Variants in IMMP2L observed in about 807,000 individuals in gnomAD.
IMMP2L encodes inner mitochondrial membrane peptidase subunit 2.
Under a neutral mutation model 19.3 loss-of-function variants are expected in IMMP2L, and 18 were observed. The ratio of observed to expected loss-of-function variants is 0.93; its 90% CI spans 0.64 to 1.38. The LOEUF is 1.38. Ranked by LOEUF, IMMP2L falls within the 40% of genes most tolerant of loss-of-function variation. The probability of loss-of-function intolerance (pLI) is 0.00; values close to 1 mark genes in which losing one functional copy is unlikely to be tolerated. For synonymous variants in IMMP2L, 76 were observed against 73.0 expected (o/e 1.04, Z -0.21); for missense variants, 233 against 218.2 (o/e 1.07, Z -0.43).
At chr7:111,470,984 A>G (rs747903858) in intron 3 of IMMP2L, among the ~76,000 whole-genome samples, 34 of 152,074 alleles carry the variant, frequency 2.2e-4, no homozygotes, top group Non-Finnish European at 4.4e-4. Flanking sequence ...AATATACAAC[A>G]AAGGGCCAGA....
chr7:111,292,429 C>T (rs1392250669), intron 3 of IMMP2L, among the ~76,000 whole-genome samples: 3 of 152,174 alleles, frequency 2.0e-5, no homozygotes, highest in East Asian at 1.9e-4. Flanking sequence ...ACCCTGCACA[C>T]ATTTCTACAG....
At chr7:110,804,702 T>C (rs1356317289) in intron 5 of IMMP2L, among the ~76,000 whole-genome samples, 1 of 152,038 alleles carries the variant, frequency 6.6e-6, no homozygotes, top group East Asian at 1.9e-4. Context: ...TTAAAGACAA[T>C]CAGCTTTCCC....
At chr7:111,175,683 A>G (rs1806978721) in intron 3 of IMMP2L, among the ~76,000 whole-genome samples, 1 of 151,870 alleles carries the variant, frequency 6.6e-6, no homozygotes, top group Non-Finnish European at 1.5e-5. Context: ...ATTCCAAGAA[A>G]ACATTGGGGA....
At chr7:111,057,432 C>A (rs1464361621) in intron 3 of IMMP2L, among the ~76,000 whole-genome samples, 1 of 151,146 alleles carries the variant, frequency 6.6e-6, no homozygotes, top group Non-Finnish European at 1.5e-5. Context: ...AAAAAAAACT[C>A]TTTTGTAAAT....
chr7:110,744,311 T>C (rs1417074973), intron 5 of IMMP2L, among the ~76,000 whole-genome samples: 1 of 152,170 alleles, frequency 6.6e-6, no homozygotes, highest in East Asian at 1.9e-4. Flanking sequence ...GTGGTGGTTG[T>C]AGGCGCAGCT....
chr7:111,465,432 A>C (rs1840544581), intron 3 of IMMP2L, among the ~76,000 whole-genome samples: 1 of 146,438 alleles, frequency 6.8e-6, no homozygotes, highest in South Asian at 2.2e-4. Context: ...CTCCCAAAAT[A>C]TGTGTACTTA....
chr7:110,815,280 G>A (rs142052792), intron 5 of IMMP2L, among the ~76,000 whole-genome samples: 113 of 152,146 alleles, frequency 7.4e-4, no homozygotes, highest in African/African-American at 2.5e-3. Context: ...ATTGATTTGC[G>A]TATGCTGAAC....
chr7:111,173,129 TC>T (rs1296499307), intron 3 of IMMP2L, among the ~76,000 whole-genome samples: 1 of 151,582 alleles, frequency 6.6e-6, no homozygotes, highest in Non-Finnish European at 1.5e-5. Flanking sequence ...GGGCTTTTTC[TC>T]AAACATTAAT....
At chr7:110,936,626 G>T (rs182252152) in intron 4 of IMMP2L, among the ~76,000 whole-genome samples, 7 of 152,284 alleles carry the variant, frequency 4.6e-5, no homozygotes, top group Admixed American at 1.3e-4. Context: ...TTCAACCATT[G>T]TGGAAGACAG....
At chr7:111,041,397 TCTATCTTCTTTATTATAAATATC>T (rs1452459132) in intron 3 of IMMP2L, among the ~76,000 whole-genome samples, 2 of 152,080 alleles carry the variant, frequency 1.3e-5, no homozygotes, top group Admixed American at 6.5e-5. Context: ...GGCAGCTCAT[TCTATCTTCTTTATTATAAATATC>T]CAATTATAGA....
intron 3 of IMMP2L, among the ~76,000 whole-genome samples, chr7:111,112,053 T>C (rs1799297188): frequency 6.6e-6 from 1 of 150,468 alleles, no homozygotes; most frequent in African/African-American, 2.4e-5. Context: ...GTTCCGGTGA[T>C]TCTCCTGTCT....
At chr7:111,356,317 C>CT (rs11427175) in intron 3 of IMMP2L, among the ~76,000 whole-genome samples, 9,658 of 152,046 alleles carry the variant, frequency 0.064, 395 homozygotes, top group African/African-American at 0.11. Context: ...CATGTATAGA[C>CT]TTTTTGTTCT....
intron 3 of IMMP2L, among the ~76,000 whole-genome samples, chr7:111,160,704 A>G (rs1030458639): frequency 1.3e-5 from 2 of 151,244 alleles, no homozygotes; most frequent in Non-Finnish European, 3.0e-5. Flanking sequence ...CAAAGATATG[A>G]ATAAAAATTA....
chr7:111,178,101 C>G (rs1220018465), intron 3 of IMMP2L, among the ~76,000 whole-genome samples: 1 of 151,954 alleles, frequency 6.6e-6, no homozygotes, highest in South Asian at 2.1e-4. Context: ...ATCACAGAAC[C>G]AAATACAGGC....
chr7:111,242,983 G>A (rs1196564379), intron 3 of IMMP2L, among the ~76,000 whole-genome samples: 3 of 152,004 alleles, frequency 2.0e-5, no homozygotes, highest in Admixed American at 2.0e-4. Flanking sequence ...GGAAGAAAAA[G>A]GAGATCTTAA....
chr7:110,850,730 T>C (rs571541053), intron 5 of IMMP2L, among the ~76,000 whole-genome samples: 1 of 151,362 alleles, frequency 6.6e-6, no homozygotes, highest in Non-Finnish European at 1.5e-5. Context: ...AAAAAGATAC[T>C]CAAAAGTCAG....
chr7:111,449,253 C>CA (rs1187424983), intron 3 of IMMP2L, among the ~76,000 whole-genome samples: 2 of 141,388 alleles, frequency 1.4e-5, no homozygotes, highest in African/African-American at 5.5e-5. Context: ...AGAGACACAA[C>CA]AAAAAAAGAG....
At chr7:110,896,135 G>A (rs1289500849) in intron 4 of IMMP2L, among the ~76,000 whole-genome samples, 1 of 152,028 alleles carries the variant, frequency 6.6e-6, no homozygotes, top group African/African-American at 2.4e-5. Context: ...ATTTTAAAAA[G>A]TAATGACAAA....
chr7:111,216,007 G>C (rs1189043957), intron 3 of IMMP2L, among the ~76,000 whole-genome samples: 1 of 151,986 alleles, frequency 6.6e-6, no homozygotes, highest in Non-Finnish European at 1.5e-5. Context: ...AGTCATGTAT[G>C]GCCAGAATAT....
Sources: gnomAD v4.1 joint callset for allele counts (sites outside exome capture counted in the v4.1 genomes callset) on GRCh38, gnomAD v4.1.1 for gene constraint, MANE v1.5 for transcripts, NCBI Gene and HGNC (gene_info 2026-07-23, HGNC 2026-07-21) for gene names.